Variants in CERS6 observed in about 807,000 individuals in gnomAD.
CERS6 encodes ceramide synthase 6, also known as LAG1 homolog, ceramide synthase 6.
A neutral mutation model predicts 56.8 loss-of-function variants in CERS6; 26 were observed. That is an observed-to-expected ratio of 0.46 (90% CI 0.34 to 0.63). CERS6 has a LOEUF of 0.63. Among genes scored for constraint, CERS6 ranks in the 30% least tolerant of loss-of-function variants. The probability of loss-of-function intolerance (pLI) is 0.01; values close to 1 mark genes in which losing one functional copy is unlikely to be tolerated. For synonymous variants in CERS6, 164 were observed against 173.3 expected, an observed-to-expected ratio of 0.95 and a Z score of 0.42; for missense variants, 415 against 467.5, an observed-to-expected ratio of 0.89 and a Z score of 1.04.
At chr2:168,679,699 G>T (rs1686162004) in intron 4 of CERS6, among the ~76,000 whole-genome samples, 1 of 152,148 alleles carries the variant, frequency 6.6e-6, no homozygotes, top group African/African-American at 2.4e-5. Context: ...CAGGTCATTG[G>T]CCAACGCTGT....
chr2:168,598,840 G>A (rs1170260922), intron 3 of CERS6, among the ~76,000 whole-genome samples: 2 of 152,276 alleles, frequency 1.3e-5, no homozygotes, highest in Non-Finnish European at 2.9e-5. Context: ...AATCTGGTAA[G>A]TTTGGATAGA....
intron 2 of CERS6, 122 bp downstream of exon 2, chr2:168,547,823 C>T (rs575523826): frequency 2.5e-5 from 17 of 680,408 alleles, no homozygotes; most frequent in African/African-American, 8.9e-5. Context: ...TGCTGGAGAA[C>T]GTGTTGTCAG....
At chr2:168,745,717 A>T (rs1684078807) in intron 8 of CERS6, among the ~76,000 whole-genome samples, 1 of 152,184 alleles carries the variant, frequency 6.6e-6, no homozygotes, top group South Asian at 2.1e-4. Flanking sequence ...ACCTGGAGAA[A>T]TATGCCTATA....
At chr2:168,768,316 A>G (rs980668889) in intron 9 of CERS6, among the ~76,000 whole-genome samples, 61 of 149,958 alleles carry the variant, frequency 4.1e-4, no homozygotes, top group African/African-American at 1.5e-3. Context: ...CGCAACCTCC[A>G]CTTCCTGGGC....
chr2:168,569,628 G>C (rs1036647183), intron 3 of CERS6, among the ~76,000 whole-genome samples: 1 of 152,220 alleles, frequency 6.6e-6, no homozygotes, highest in Non-Finnish European at 1.5e-5. Flanking sequence ...GACAAAATCA[G>C]ATATAAGCAA....
chr2:168,649,036 A>C (rs1165003311), intron 4 of CERS6, among the ~76,000 whole-genome samples: 3 of 152,144 alleles, frequency 2.0e-5, no homozygotes, highest in Non-Finnish European at 4.4e-5. Flanking sequence ...TAGGCGCTGA[A>C]TATCCTAATA....
intron 1 of CERS6, among the ~76,000 whole-genome samples, chr2:168,511,964 AC>A (rs1282374488): frequency 2.0e-5 from 3 of 152,140 alleles, no homozygotes; most frequent in Non-Finnish European, 4.4e-5. Flanking sequence ...ACACACACAC[AC>A]ACACACACAC....
At chr2:168,540,872 GT>G (rs1356264910) in intron 1 of CERS6, among the ~76,000 whole-genome samples, 1 of 152,140 alleles carries the variant, frequency 6.6e-6, no homozygotes, top group African/African-American at 2.4e-5. Flanking sequence ...TCTCTGTAGG[GT>G]TCTTGAGCTC....
At chr2:168,612,944 C>T (rs1238920390) in intron 3 of CERS6, among the ~76,000 whole-genome samples, 1 of 152,298 alleles carries the variant, frequency 6.6e-6, no homozygotes, top group Admixed American at 6.5e-5. Flanking sequence ...ACAGGTCTGG[C>T]TGTGGCACTC....
intron 9 of CERS6, among the ~76,000 whole-genome samples, chr2:168,766,711 G>C (rs576190934): frequency 5.9e-5 from 9 of 152,196 alleles, no homozygotes; most frequent in Non-Finnish European, 1.0e-4. Context: ...CTAGTTGGAG[G>C]GGGAGAGGAT....
chr2:168,639,715 G>A (rs1021222109), intron 4 of CERS6, among the ~76,000 whole-genome samples: 2 of 152,120 alleles, frequency 1.3e-5, no homozygotes, highest in Non-Finnish European at 2.9e-5. Flanking sequence ...TTGATGTGGA[G>A]CAGAGCAGCA....
chr2:168,581,919 G>T (rs1683422207), intron 3 of CERS6, among the ~76,000 whole-genome samples: 1 of 152,122 alleles, frequency 6.6e-6, no homozygotes. Flanking sequence ...CTCCTGTCCG[G>T]CATGGACGAT....
rs938887620 is a variant in CERS6 at position 168,767,196 on chromosome 2, C to T, written c.1002+1448C>T. Reference sequence around the variant, plus strand: ...AAGAGAGATGATGATTAATTTTATTCTAGATCTCAGGCTTCAGAATATCTT... The same window carrying T: ...AAGAGAGATGATGATTAATTTTATTTTAGATCTCAGGCTTCAGAATATCTT... On this transcript the variant is annotated intron_variant, in intron 9 of 9. Coordinates refer to ENST00000305747, the MANE Select transcript of CERS6 (RefSeq NM_203463.3). 2.6e-5 allele frequency among the ~76,000 whole-genome samples: 4 copies of T among 152,154 alleles called. No homozygotes were observed. The East Asian group carries it at 5.8e-4, about 22-fold the overall frequency.
intron 1 of CERS6, among the ~76,000 whole-genome samples, chr2:168,467,343 C>T (rs1693899193): frequency 1.3e-5 from 2 of 152,118 alleles, no homozygotes; most frequent in Admixed American, 6.6e-5. Flanking sequence ...CAGTTTTGCA[C>T]ACAATAGCTT....
chr2:168,461,001 A>G (rs1052087456), intron 1 of CERS6, among the ~76,000 whole-genome samples: 2 of 152,062 alleles, frequency 1.3e-5, no homozygotes, highest in African/African-American at 4.8e-5. Flanking sequence ...AGAGAGTGTG[A>G]GAGCGTGTTC....
At chr2:168,486,366 A>T (rs1256917767) in intron 1 of CERS6, among the ~76,000 whole-genome samples, 1 of 151,982 alleles carries the variant, frequency 6.6e-6, no homozygotes, top group Admixed American at 6.6e-5. Flanking sequence ...TTCTTGGATT[A>T]TGCTTTTGGT....
At chr2:168,681,606 A>C (rs537847590) in intron 4 of CERS6, among the ~76,000 whole-genome samples, 18 of 152,314 alleles carry the variant, frequency 1.2e-4, no homozygotes, top group Admixed American at 9.8e-4. Context: ...TTAGCCATCT[A>C]TCACCTCAGA....
intron 3 of CERS6, among the ~76,000 whole-genome samples, chr2:168,610,439 C>G (rs1489547181): frequency 6.6e-6 from 1 of 152,162 alleles, no homozygotes; most frequent in Non-Finnish European, 1.5e-5. Context: ...TTGGTATTTA[C>G]TAAATCCTCG....
intron 8 of CERS6, among the ~76,000 whole-genome samples, chr2:168,764,445 A>G (rs961340431): frequency 2.4e-4 from 36 of 152,196 alleles, no homozygotes; most frequent in African/African-American, 8.2e-4. Context: ...CCCAGACTGC[A>G]TTCATTGTTC....
Sources: gnomAD v4.1 joint callset for allele counts (sites outside exome capture counted in the v4.1 genomes callset) on GRCh38, gnomAD v4.1.1 for gene constraint, MANE v1.5 for transcripts, NCBI Gene and HGNC (gene_info 2026-07-23, HGNC 2026-07-21) for gene names.